The following NALCN variants were observed in gnomAD, a reference collection of about 807,000 sequenced individuals.
NALCN encodes sodium leak channel NALCN.
In NALCN, 111 loss-of-function variants were observed where a neutral mutation model predicts 225.3. That is an observed-to-expected ratio of 0.49 (90% CI 0.42 to 0.58). The LOEUF is 0.58. NALCN is among the 20% of genes least tolerant of loss of function. The pLI, the probability that NALCN is intolerant of heterozygous loss-of-function variation, is 0.00. For synonymous variants in NALCN, 764 were observed against 769.0 expected (o/e 0.99, Z 0.11); for missense variants, 1,378 against 2,202.4 (o/e 0.63, Z 7.49).
chr13:101,062,162 G>A (rs780328305), intron 40 of NALCN, 44 bp from the exon 41 acceptor site: 4 of 1,605,006 alleles, frequency 2.5e-6, no homozygotes, highest in Non-Finnish European at 3.4e-6. Flanking sequence ...TGATTCACCT[G>A]AGATTTACAC....
At chr13:101,134,027 G>A (rs752310962) in intron 17 of NALCN, among the ~76,000 whole-genome samples, 45 of 152,150 alleles carry the variant, frequency 3.0e-4, no homozygotes, top group Non-Finnish European at 5.7e-4. Flanking sequence ...AAAATAAGCC[G>A]GGCATGGTGG....
chr13:101,103,193 G>A lies in NALCN; in HGVS notation c.3036C>T (p.Ser1012=), dbSNP rs760941305. ...QMRKVVRELF[S]GFKEIFLVSI... ...ATACCAAAAAAATTTCCTTGAAGCC[G>A]CTGAAAAGTTCTCGAACAACTTTCC... Residue 1012 remains serine, a synonymous_variant, in exon 26 of 44, where the codon AGC becomes AGT. Transcript: ENST00000251127. The A allele has an allele frequency of 1.3e-5, 21 of 1,613,164 alleles. No individual in the cohort carries two copies. The highest frequency in any genetic ancestry group is 1.7e-4 in the Middle Eastern group (1 of 6,054).
chr13:101,262,638 G>A (rs1418594227), intron 10 of NALCN, among the ~76,000 whole-genome samples: 2 of 152,170 alleles, frequency 1.3e-5, no homozygotes, highest in African/African-American at 4.8e-5. Flanking sequence ...GTGGATTTAT[G>A]TCTTAAGCAA....
intron 2 of NALCN, among the ~76,000 whole-genome samples, chr13:101,396,409 AAT>A (rs1182244416): frequency 1.3e-5 from 2 of 152,122 alleles, no homozygotes; most frequent in Non-Finnish European, 2.9e-5. Flanking sequence ...ATAATTCTTT[AAT>A]ATAATACTCT....
chr13:101,175,985 G>A (rs141438417), intron 15 of NALCN, among the ~76,000 whole-genome samples: 6 of 152,154 alleles, frequency 3.9e-5, no homozygotes, highest in African/African-American at 1.4e-4. Context: ...ATCTGGCCTT[G>A]AGGCATCTCA....
intron 1 of NALCN, among the ~76,000 whole-genome samples, chr13:101,403,755 T>C (rs1566657990): frequency 2.0e-5 from 3 of 152,212 alleles, no homozygotes; most frequent in Admixed American, 1.3e-4. Flanking sequence ...GCAAGTGAAA[T>C]TGTTTATCAA....
At chr13:101,227,233 G>T (rs2041178250) in intron 13 of NALCN, among the ~76,000 whole-genome samples, 1 of 152,132 alleles carries the variant, frequency 6.6e-6, no homozygotes, top group Non-Finnish European at 1.5e-5. Flanking sequence ...TCCCACCTCT[G>T]CAGGAACCTT....
chr13:101,235,615 G>T (rs2041526392), intron 12 of NALCN, among the ~76,000 whole-genome samples: 1 of 152,142 alleles, frequency 6.6e-6, no homozygotes, highest in Non-Finnish European at 1.5e-5. Context: ...TATATCTCTT[G>T]CCCCAGCCAT....
intron 34 of NALCN, among the ~76,000 whole-genome samples, chr13:101,080,091 C>T (rs1024199982): frequency 2.0e-5 from 3 of 152,166 alleles, no homozygotes; most frequent in African/African-American, 7.2e-5. Context: ...TATATTATCT[C>T]ACTTGATCTT....
intron 7 of NALCN, among the ~76,000 whole-genome samples, chr13:101,312,194 A>G (rs1480718454): frequency 6.6e-6 from 1 of 152,002 alleles, no homozygotes; most frequent in Admixed American, 6.6e-5. Context: ...TTTCTGTGGG[A>G]TCGGTGGTGA....
chr13:101,074,080 G>A (rs540194452), intron 36 of NALCN, among the ~76,000 whole-genome samples: 4 of 152,034 alleles, frequency 2.6e-5, no homozygotes, highest in East Asian at 3.9e-4. Context: ...TAGGCAAATC[G>A]TTGAAAACTG....
At chr13:101,219,899 G>T (rs979908631) in intron 13 of NALCN, among the ~76,000 whole-genome samples, 1 of 152,168 alleles carries the variant, frequency 6.6e-6, no homozygotes, top group African/African-American at 2.4e-5. Flanking sequence ...GTCTTACTAT[G>T]TGTAAGTAGG....
Position 101,409,731 on chromosome 13 carries a change from T to G in NALCN, c.-40+6582A>C, listed in dbSNP as rs566275061. Among the ~76,000 whole-genome samples, 45 of 152,264 alleles carry G rather than the reference T, an allele frequency of 3.0e-4. No individual in the cohort carries two copies. In the South Asian group the frequency reaches 6.2e-3, roughly 21 times the overall value. ...AACATAACAGAAGATCAAAGGGAGA[T>G]TATGTTTTTGTGTTTGTTAAATTTT... On this transcript the variant is annotated intron_variant, in intron 1 of 43. Coordinates refer to ENST00000251127, the MANE Select transcript of NALCN (RefSeq NM_052867.4).
intron 9 of NALCN, among the ~76,000 whole-genome samples, chr13:101,287,150 A>G (rs143348285): frequency 2.5e-4 from 38 of 152,338 alleles, no homozygotes; most frequent in African/African-American, 9.1e-4. Context: ...CATTTCTAAA[A>G]GCGGACTTTC....
rs1289047062 is a variant in NALCN, at chr13:101,243,129, G to A, written c.1267-5207C>T. Among the ~76,000 whole-genome samples the A allele has an allele frequency of 1.1e-4, 10 of 90,224 alleles. 3 individuals carry two copies. Among genetic ancestry groups the A allele is most frequent in the Non-Finnish European group, 2.1e-4 (9 of 41,918 alleles). The allele number at this position is 90,224 out of a possible 152,430, so 59.2% of individuals were successfully genotyped here. Reference sequence around the variant, plus strand: ...TTTTCATTTATGTAAGCTTTCTTCCGTTGTTTATGACAACTTTTCTTCTAT... The same window carrying A: ...TTTTCATTTATGTAAGCTTTCTTCCATTGTTTATGACAACTTTTCTTCTAT... On this transcript the variant is annotated intron_variant, in intron 11 of 43. Transcript: ENST00000251127.
At chr13:101,237,947 A>G in intron 11 of NALCN, 25 bp from the exon 12 acceptor site, 1 of 1,564,068 alleles carries the variant, frequency 6.4e-7, no homozygotes. Flanking sequence ...AAACATTGAA[A>G]TTGAAATTCA....
intron 3 of NALCN, among the ~76,000 whole-genome samples, chr13:101,391,393 A>G (rs1322252904): frequency 1.3e-5 from 2 of 152,230 alleles, no homozygotes; most frequent in East Asian, 3.8e-4. Context: ...TCTGAAACAG[A>G]CAGTTTTGAC....
chr13:101,392,354 T>C (rs1418959850), intron 3 of NALCN, among the ~76,000 whole-genome samples: 4 of 152,286 alleles, frequency 2.6e-5, no homozygotes, highest in African/African-American at 7.2e-5. Context: ...TTTATCGGAA[T>C]GGAAGGATAA....
intron 15 of NALCN, among the ~76,000 whole-genome samples, chr13:101,175,646 C>CT (rs1566384352): frequency 6.6e-6 from 1 of 152,292 alleles, no homozygotes; most frequent in Middle Eastern, 3.4e-3. Context: ...CTCAAAGGGT[C>CT]TGTACTCTTT....
Sources: gnomAD v4.1 joint callset for allele counts (sites outside exome capture counted in the v4.1 genomes callset) on GRCh38, gnomAD v4.1.1 for gene constraint, MANE v1.5 for transcripts, NCBI Gene and HGNC (gene_info 2026-07-23, HGNC 2026-07-21) for gene names.